The following TNFAIP2 variants were observed in gnomAD, a reference collection of about 807,000 sequenced individuals.
TNFAIP2 encodes TNF alpha induced protein 2.
A neutral mutation model predicts 63.5 loss-of-function variants in TNFAIP2; 47 were observed. The observed-to-expected ratio is 0.74, with a 90% confidence interval of 0.59 to 0.94. The LOEUF (loss-of-function observed/expected upper bound fraction) is 0.94, where lower values mean the gene tolerates loss of function less well. TNFAIP2 is among the 40% of genes least tolerant of loss of function. The pLI is 0.00. For synonymous variants in TNFAIP2, 405 were observed against 390.2 expected (o/e 1.04, Z -0.45); for missense variants, 787 against 850.2 (o/e 0.93, Z 0.92).
At position 103,133,670 on chromosome 14, in the gene TNFAIP2, C is replaced by G. The variant is rs1427504592; in HGVS notation, c.1702-12C>G. ...GACCCCTGGGTCCCTCCAACCACACCCACTCCTGCAGGGCTCCCCGGCGAC... is the reference window on the plus strand; with the variant it reads ...GACCCCTGGGTCCCTCCAACCACACGCACTCCTGCAGGGCTCCCCGGCGAC... On this transcript the variant is annotated splice_polypyrimidine_tract_variant and intron_variant, in intron 10 of 11. Transcript: ENST00000560869. 2 of 1,554,996 alleles carry G rather than the reference C, an allele frequency of 1.3e-6. No individual in the cohort carries two copies. Among genetic ancestry groups the G allele is most frequent in the Non-Finnish European group, 1.7e-6 (2 of 1,153,484 alleles).
At chr14:103,134,456 C>T (rs1197721121) in intron 11 of TNFAIP2, among the ~76,000 whole-genome samples, 1 of 142,994 alleles carries the variant, frequency 7.0e-6, no homozygotes, top group African/African-American at 2.6e-5. Context: ...GTCTACCCAT[C>T]CACCCACCCA....
rs1190195891 is a variant in TNFAIP2 at position 103,129,853 on chromosome 14, C to A, written c.974C>A (p.Ala325Glu). The A allele has an allele frequency of 1.2e-6, 2 of 1,613,376 alleles. No individual in the cohort carries two copies. The highest frequency in any genetic ancestry group is 1.7e-6 in the Non-Finnish European group (2 of 1,179,518). ...GAGGCCACATTCCTGTCCAGTGAGG[C>A]GGTGAGTCTCCACCTGGGCCAGGGA... ...LLEATFLSSEAANVRELMDRA... is the reference protein window; with the variant it reads ...LLEATFLSSEEANVRELMDRA... The change falls in exon 4 of 12, where the codon GCG becomes GAG. Residue 325 changes from alanine to glutamate, a missense_variant and splice_region_variant. Physicochemically the swap from Ala to Glu is moderately radical, Grantham distance 107. Around this residue, in one of 3 missense-constraint regions of TNFAIP2, gnomAD observed 523 missense variants for 604.1 expected, o/e 0.87. Coordinates refer to ENST00000560869, the MANE Select transcript of TNFAIP2 (RefSeq NM_006291.4).
chr14:103,129,871 G>T lies in TNFAIP2; in HGVS notation c.975+17G>T. The stretch of plus-strand genomic sequence containing the variant: ...AGTGAGGCGGTGAGTCTCCACCTGG[G>T]CCAGGGAGGGGCAGGGAGGCAGCAG... On this transcript the variant is annotated intron_variant, in intron 4 of 11. Transcript: ENST00000560869. The T allele has an allele frequency of 6.2e-7, 1 of 1,611,354 alleles. No individual in the cohort carries two copies. The highest frequency in any genetic ancestry group is 8.5e-7 in the Non-Finnish European group (1 of 1,177,884).
upstream of TNFAIP2, chr14:103,122,628 G>C (rs1382743767): frequency 2.2e-6 from 1 of 455,914 alleles, no homozygotes; most frequent in Admixed American, 2.3e-5. Flanking sequence ...CGGTGTGGAT[G>C]GGGAGACAGG....
upstream of TNFAIP2, chr14:103,122,680 G>T (rs1891156404): frequency 2.2e-6 from 1 of 455,968 alleles, no homozygotes; most frequent in Non-Finnish European, 4.4e-6. Flanking sequence ...AAGCCGGGTT[G>T]ATGATCCAGA....
rs769447588 is a variant in TNFAIP2, at chr14:103,127,819, T to C, written c.860+190T>C. 3.9e-5 allele frequency among the ~76,000 whole-genome samples: 6 copies of C among 152,152 alleles called. No individual in the cohort carries two copies. The highest frequency in any genetic ancestry group is 5.9e-5 in the Non-Finnish European group (4 of 68,006). On this transcript the variant is annotated intron_variant, in intron 3 of 11. Transcript: ENST00000560869. The surrounding 1 kb of genome is among the most constrained non-coding windows in gnomAD (Gnocchi z 5.1). Reference sequence around the variant, plus strand: ...AGCCTGGACAGGCAGAGACTGGGCCTGGACACAGGGATAAGGCTGGGGCTG... The same window carrying C: ...AGCCTGGACAGGCAGAGACTGGGCCCGGACACAGGGATAAGGCTGGGGCTG...
In TNFAIP2 at chr14:103,127,756, C is replaced by T. The variant is rs571844071; in HGVS notation, c.860+127C>T. On this transcript the variant is annotated intron_variant, in intron 3 of 11. Coordinates refer to ENST00000560869, the MANE Select transcript of TNFAIP2 (RefSeq NM_006291.4). The surrounding 1 kb of genome is among the most constrained non-coding windows in gnomAD (Gnocchi z 5.1). ...GTCGGTGTTTGCAGAGTTTTGGGTC[C>T]GAGAATGCAGGGGTGGGACTTGGAC... 79 of 1,146,682 alleles carry T rather than the reference C, an allele frequency of 6.9e-5. No homozygotes were observed. The South Asian group carries it at 1.4e-3, about 20-fold the overall frequency. The allele number at this position is 1,146,682 out of a possible 1,614,324, so 71.0% of individuals were successfully genotyped here. A position where few individuals can be genotyped will look rare whatever the true frequency, so the allele number is the denominator to read the frequency against.
At position 103,127,564 on chromosome 14, in the gene TNFAIP2, G is replaced by T. The variant is rs756521968; in HGVS notation, c.795G>T (p.Ala265=). Reference sequence around the variant, plus strand: ...TCGCGGCCCACCTGGCCGCCGTGGCGCAGTTCGAGCTGTGCGAGCGCGACA... The same window carrying T: ...TCGCGGCCCACCTGGCCGCCGTGGCTCAGTTCGAGCTGTGCGAGCGCGACA... ...QHFAAHLAAV[A]QFELCERDTY... Residue 265 remains alanine (A), a synonymous_variant, in exon 3 of 12, where the codon GCG becomes GCT. Coordinates refer to ENST00000560869, the MANE Select transcript of TNFAIP2 (RefSeq NM_006291.4). This position sits in a 1 kb window ranked among gnomAD's most constrained non-coding sequence, Gnocchi z 5.1. 1.9e-6 allele frequency: 3 copies of T among 1,580,246 alleles called. No homozygotes were observed. Among genetic ancestry groups the T allele is most frequent in the Non-Finnish European group, 2.6e-6 (3 of 1,169,942 alleles).
intron 9 of TNFAIP2, 119 bp downstream of exon 9, chr14:103,132,991 C>A: frequency 1.4e-6 from 2 of 1,452,534 alleles, no homozygotes; most frequent in South Asian, 1.3e-5. Flanking sequence ...TGTGAACACA[C>A]GTGAATGCAC....
At position 103,126,463 on chromosome 14, in the gene TNFAIP2, G is replaced by T; in HGVS notation, c.6G>T (p.Ser2=). M[S]EASSEDLVPP... The stretch of plus-strand genomic sequence containing the variant: ...AGGCAGAGTCAGAGGCCTCCATGTC[G>T]GAGGCCTCCTCTGAGGACCTGGTGC... The change falls in exon 2 of 12, where the codon TCG becomes TCT. Residue 2 remains serine (S), a synonymous_variant. Transcript: ENST00000560869. 1 of 1,587,308 alleles carries T rather than the reference G, an allele frequency of 6.3e-7. No homozygotes were observed. Among genetic ancestry groups the T allele is most frequent in the East Asian group, 2.3e-5 (1 of 43,994 alleles).
chr14:103,127,170 AC>A lies in TNFAIP2; in HGVS notation c.403del (p.Gln135ArgfsTer90). ...GAGGCGCTGTACGAGCTGCTGCGCG[AC>A]CAGGTGCTGGGCGTGCTGCGGCGGC... Reference protein sequence around the residue: ...KVEALYELLRDQVLGVLRRPL... With the variant: ...KVEALYELLRXQVLGVLRRPL... On this transcript the variant is annotated frameshift_variant, in exon 3 of 12. Transcript: ENST00000560869. LOFTEE classifies it high-confidence loss of function. The surrounding 1 kb of genome is among the most constrained non-coding windows in gnomAD (Gnocchi z 5.1). The A allele has an allele frequency of 8.9e-7, 1 of 1,120,694 alleles. No individual in the cohort carries two copies. The highest frequency in any genetic ancestry group is 5.8e-5 in the East Asian group (1 of 17,164). The allele number at this position is 1,120,694 out of a possible 1,614,324, so 69.4% of individuals were successfully genotyped here.
At chr14:103,134,916 G>C (rs1413737359) in intron 11 of TNFAIP2, among the ~76,000 whole-genome samples, 1 of 152,242 alleles carries the variant, frequency 6.6e-6, no homozygotes, top group Admixed American at 6.5e-5. Flanking sequence ...CGACTTTAGA[G>C]ACAAGAAAGC....
intron 2 of TNFAIP2, 94 bp from the exon 3 acceptor site, chr14:103,126,911 C>A: frequency 7.1e-7 from 1 of 1,402,876 alleles, no homozygotes; most frequent in South Asian, 1.5e-5. Context: ...CGGCCCTGTG[C>A]GCGTCTAGGG....
Position 103,135,995 on chromosome 14 carries a change from G to A in TNFAIP2, c.*635G>A, listed in dbSNP as rs897662487. ...GCCCCTACAGGCTGGCCCTGCAATG[G>A]GGCCCTGAGCCCTCCCTCTTCATCC... On this transcript the variant is annotated 3_prime_UTR_variant, in exon 12 of 12. Coordinates refer to ENST00000560869, the MANE Select transcript of TNFAIP2 (RefSeq NM_006291.4). This position sits in a 1 kb window ranked among gnomAD's most constrained non-coding sequence, Gnocchi z 7.6. The A allele has an allele frequency of 1.5e-5, 19 of 1,288,598 alleles. No homozygotes were observed. Among genetic ancestry groups the A allele is most frequent in the Middle Eastern group, 2.2e-4 (1 of 4,470 alleles). The allele number at this position is 1,288,598 out of a possible 1,614,324, so 79.8% of individuals were successfully genotyped here.
In TNFAIP2 at chr14:103,135,562, G is replaced by A. The variant is rs1036275375; in HGVS notation, c.*202G>A. On this transcript the variant is annotated 3_prime_UTR_variant, in exon 12 of 12. Coordinates refer to ENST00000560869, the MANE Select transcript of TNFAIP2 (RefSeq NM_006291.4). The surrounding 1 kb of genome is among the most constrained non-coding windows in gnomAD (Gnocchi z 7.6). ...TGGTTTGTTTACATGTCCGATGGGG[G>A]CAGGAGCTCCCATCCTGGGCAGCCA... is the stretch of plus-strand genomic sequence containing the variant. 9.8e-6 allele frequency: 14 copies of A among 1,429,562 alleles called. No individual in the cohort carries two copies. Among genetic ancestry groups the A allele is most frequent in the South Asian group, 1.5e-5 (1 of 67,848 alleles). The allele number at this position is 1,429,562 out of a possible 1,614,324, so 88.6% of individuals were successfully genotyped here. A position where few individuals can be genotyped will look rare whatever the true frequency, so the allele number is the denominator to read the frequency against.
intron 1 of TNFAIP2, 67 bp downstream of exon 1, chr14:103,124,018 A>AC (rs1479401154): frequency 6.6e-6 from 1 of 152,232 alleles, no homozygotes. Context: ...ACTGGCTGTG[A>AC]CCCCTCTACG....
chr14:103,136,203 G>C lies in TNFAIP2; in HGVS notation c.*843G>C, dbSNP rs2139574574. On this transcript the variant is annotated 3_prime_UTR_variant, in exon 12 of 12. Transcript: ENST00000560869. Reference sequence around the variant, plus strand: ...GTCTGGGCAGGGGCAGGGCAAGCTTGACCTCTCACTGTTGACCCTTTGGCC... The same window carrying C: ...GTCTGGGCAGGGGCAGGGCAAGCTTCACCTCTCACTGTTGACCCTTTGGCC... The C allele has an allele frequency of 2.8e-6, 1 of 356,540 alleles. No individual in the cohort carries two copies. The highest frequency in any genetic ancestry group is 4.1e-5 in the Admixed American group (1 of 24,558). The allele number at this position is 356,540 out of a possible 1,614,324, so 22.1% of individuals were successfully genotyped here. A position where few individuals can be genotyped will look rare whatever the true frequency, so the allele number is the denominator to read the frequency against.
In TNFAIP2 at chr14:103,135,185, A is replaced by G. The variant is rs1356603954; in HGVS notation, c.1824-34A>G. On this transcript the variant is annotated intron_variant, in intron 11 of 11. Coordinates refer to ENST00000560869, the MANE Select transcript of TNFAIP2 (RefSeq NM_006291.4). The surrounding 1 kb of genome is among the most constrained non-coding windows in gnomAD (Gnocchi z 7.6). ...GAGCTGGTGAGTAGGGGTGTGGGTG[A>G]CAGGCTGGGCTGACAGGATGCTCTC... The G allele has an allele frequency of 6.2e-7, 1 of 1,613,426 alleles. No individual in the cohort carries two copies. The highest frequency in any genetic ancestry group is 8.5e-7 in the Non-Finnish European group (1 of 1,179,908).
In TNFAIP2 at chr14:103,133,842, C is replaced by G. The variant is rs369370438; in HGVS notation, c.1823+39C>G. 1.9e-6 allele frequency: 3 copies of G among 1,557,316 alleles called. No individual in the cohort carries two copies. The South Asian group carries it at 3.6e-5, about 18-fold the overall frequency. ...GCACCTCAGGACCACTGTCACATCACTGTGGCCAAGGCCTCACAGGGCTGG... is the reference window on the plus strand; with the variant it reads ...GCACCTCAGGACCACTGTCACATCAGTGTGGCCAAGGCCTCACAGGGCTGG... On this transcript the variant is annotated intron_variant, in intron 11 of 11. Coordinates refer to ENST00000560869, the MANE Select transcript of TNFAIP2 (RefSeq NM_006291.4).
Sources: allele counts gnomAD v4.1 joint callset (sites outside exome capture counted in the v4.1 genomes callset), GRCh38; gene constraint gnomAD v4.1.1; regional missense constraint gnomAD v4.1.1; non-coding constraint Gnocchi (gnomAD v3.1); transcripts MANE v1.5; gene names NCBI Gene and HGNC (gene_info 2026-07-23, HGNC 2026-07-21).